The following SLCO1B3 variants were observed in gnomAD, a reference collection of about 807,000 sequenced individuals.
The protein encoded by SLCO1B3 is solute carrier organic anion transporter family member 1B3.
In SLCO1B3, 72 loss-of-function variants were observed where a neutral mutation model predicts 71.8. The observed-to-expected ratio is 1.00, with a 90% CI of 0.83 to 1.22. SLCO1B3 has a LOEUF of 1.22. Ranked by LOEUF, SLCO1B3 falls within the 50% of genes most tolerant of loss-of-function variation. The probability of loss-of-function intolerance (pLI) is 0.00; values close to 1 mark genes in which losing one functional copy is unlikely to be tolerated. For missense variants in SLCO1B3, 911 were observed against 819.7 expected (o/e 1.11, Z -1.36); for synonymous variants, 298 against 278.4 (o/e 1.07, Z -0.70).
intron 7 of SLCO1B3, 83 bp downstream of exon 7, chr12:20,862,641 T>A (rs1405911191): frequency 2.0e-6 from 3 of 1,469,246 alleles, no homozygotes; most frequent in Admixed American, 4.3e-5. Context: ...TTTTTTCTTT[T>A]ACCTATTAGA....
At chr12:20,873,913 A>G (rs1865526639) in intron 8 of SLCO1B3, among the ~76,000 whole-genome samples, 1 of 152,192 alleles carries the variant, frequency 6.6e-6, no homozygotes, top group Non-Finnish European at 1.5e-5. Flanking sequence ...AGCTTCATAC[A>G]TGTCCCTGCA....
In SLCO1B3 at chr12:20,875,427, A is replaced by G; in HGVS notation, c.920A>G (p.Gln307Arg). 2 of 1,607,442 alleles carry G rather than the reference A, an allele frequency of 1.2e-6. No homozygotes were observed. Among genetic ancestry groups the G allele is most frequent in the Non-Finnish European group, 1.7e-6 (2 of 1,178,420 alleles). Residue 307 changes from glutamine (Q) to arginine (R), a missense_variant, in exon 9 of 16, where the codon CAA (glutamine) becomes CGA (arginine). Coordinates refer to ENST00000381545, the MANE Select transcript of SLCO1B3 (RefSeq NM_019844.4). ...HVLKTNDDRN[Q>R]TANLTNQGKN... Reference sequence around the variant, plus strand: ...CTGAAAACAAATGATGATAGAAATCAAACAGCTAATTTGACCAACCAAGGA... The same window carrying G: ...CTGAAAACAAATGATGATAGAAATCGAACAGCTAATTTGACCAACCAAGGA...
In SLCO1B3 at chr12:20,855,042, C is replaced by T. The variant is rs144143469; in HGVS notation, c.99C>T (p.Ala33=). 1.1e-4 allele frequency: 185 copies of T among 1,610,268 alleles called. 2 individuals are homozygous for T. In the Middle Eastern group the frequency reaches 1.5e-3, roughly 13 times the overall value. Residue 33 remains alanine (A), a synonymous_variant, in exon 4 of 16, where the codon GCC becomes GCT. Coordinates refer to ENST00000381545, the MANE Select transcript of SLCO1B3 (RefSeq NM_019844.4). Reference sequence around the variant, plus strand: ...ATTGTTTTTAGATGTTCTTGGCAGCCCTGTCATTCAGCTATATTGCTAAAG... The same window carrying T: ...ATTGTTTTTAGATGTTCTTGGCAGCTCTGTCATTCAGCTATATTGCTAAAG... ...RCNGFKMFLA[A]LSFSYIAKAL...
chr12:20,894,111 TAGAA>T (rs1565605101), intron 13 of SLCO1B3, among the ~76,000 whole-genome samples: 1 of 152,182 alleles, frequency 6.6e-6, no homozygotes. Flanking sequence ...TGATTGTCAT[TAGAA>T]AGAACAACAG....
In SLCO1B3 at chr12:20,913,853, G is replaced by T. The variant is rs542275663; in HGVS notation, c.1866-2151G>T. On this transcript the variant is annotated intron_variant, in intron 15 of 15. Coordinates refer to ENST00000381545, the MANE Select transcript of SLCO1B3 (RefSeq NM_019844.4). ...TGTAGCCTCAACCTCCTGGGCTCAAGAGATCCTTCTGCCTCAGCCTCCCAT... is the reference window on the plus strand; with the variant it reads ...TGTAGCCTCAACCTCCTGGGCTCAATAGATCCTTCTGCCTCAGCCTCCCAT... Among the ~76,000 whole-genome samples, 20 of 152,294 alleles carry T rather than the reference G, an allele frequency of 1.3e-4. No homozygotes were observed. In the South Asian group the frequency reaches 3.9e-3, roughly 30 times the overall value.
At chr12:20,896,678 A>G (rs1400186326) in intron 13 of SLCO1B3, among the ~76,000 whole-genome samples, 3 of 151,864 alleles carry the variant, frequency 2.0e-5, no homozygotes, top group Non-Finnish European at 4.4e-5. Flanking sequence ...AACTGTTCCA[A>G]CCTCTGCCTG....
chr12:20,810,948 CT>C (rs1219795365), intron 1 of SLCO1B3, among the ~76,000 whole-genome samples, 184 bp downstream of exon 1: 1 of 152,014 alleles, frequency 6.6e-6, no homozygotes, highest in Non-Finnish European at 1.5e-5. Context: ...ATAGAAGAGC[CT>C]CAGATTTATA....
intron 3 of SLCO1B3, among the ~76,000 whole-genome samples, chr12:20,843,624 C>CA (rs1299955318): frequency 1.3e-5 from 2 of 151,720 alleles, no homozygotes; most frequent in Non-Finnish European, 2.9e-5. Context: ...ACTAAAAATA[C>CA]AAAAAAATTA....
intron 9 of SLCO1B3, among the ~76,000 whole-genome samples, chr12:20,876,997 AT>A (rs1865593160): frequency 6.6e-6 from 1 of 151,892 alleles, no homozygotes; most frequent in Non-Finnish European, 1.5e-5. Context: ...TACCCGGCTA[AT>A]TTTTTGTATT....
intron 13 of SLCO1B3, among the ~76,000 whole-genome samples, chr12:20,887,157 G>C (rs1292828740): frequency 1.3e-5 from 2 of 151,930 alleles, no homozygotes; most frequent in Non-Finnish European, 2.9e-5. Flanking sequence ...CTTTGCTTTT[G>C]TCACTAGTGC....
At position 20,880,896 on chromosome 12, in the gene SLCO1B3, A is replaced by G. The variant is rs140093214; in HGVS notation, c.1373A>G (p.Tyr458Cys). ...VASHVDVPLSYCNSECNCDES... is the reference protein window; with the variant it reads ...VASHVDVPLSCCNSECNCDES... ...TCTCATGTAGATGTACCACTTTCTT[A>G]TTGCAACTCAGAGTGCAATTGTGAT... Residue 458 changes from tyrosine to cysteine, a missense_variant, in exon 12 of 16, where the codon TAT (tyrosine) becomes TGT (cysteine). Coordinates refer to ENST00000381545, the MANE Select transcript of SLCO1B3 (RefSeq NM_019844.4). 9 of 1,610,022 alleles carry G rather than the reference A, an allele frequency of 5.6e-6. No homozygotes were observed. In the African/African-American group the frequency reaches 8.0e-5, roughly 14 times the overall value.
intron 13 of SLCO1B3, among the ~76,000 whole-genome samples, chr12:20,894,270 G>C (rs1865957535): frequency 6.6e-6 from 1 of 152,208 alleles, no homozygotes; most frequent in Non-Finnish European, 1.5e-5. Context: ...TCACACTACA[G>C]TGGTAAATAA....
At chr12:20,849,339 C>T (rs933339982) in intron 3 of SLCO1B3, among the ~76,000 whole-genome samples, 1 of 151,810 alleles carries the variant, frequency 6.6e-6, no homozygotes, top group African/African-American at 2.4e-5. Context: ...ATGCATTTGA[C>T]ACAAATCCAA....
chr12:20,883,648 C>A, intron 13 of SLCO1B3, 46 bp downstream of exon 13: 1 of 1,240,846 alleles, frequency 8.1e-7, no homozygotes, highest in Admixed American at 2.6e-5. Context: ...TAGACTAAAA[C>A]ACACCTAATG....
chr12:20,840,001 T>G (rs1470616350), intron 3 of SLCO1B3, among the ~76,000 whole-genome samples: 1 of 152,206 alleles, frequency 6.6e-6, no homozygotes, highest in Non-Finnish European at 1.5e-5. Flanking sequence ...CTAGCATTTG[T>G]TTTTGGTTCT....
intron 15 of SLCO1B3, among the ~76,000 whole-genome samples, chr12:20,909,747 G>A (rs1331141714): frequency 6.6e-6 from 1 of 152,076 alleles, no homozygotes; most frequent in South Asian, 2.1e-4. Context: ...ATCTCGCTCT[G>A]TTGCCCAAAC....
At chr12:20,886,899 T>G (rs2121324578) in intron 13 of SLCO1B3, among the ~76,000 whole-genome samples, 1 of 152,150 alleles carries the variant, frequency 6.6e-6, no homozygotes, top group South Asian at 2.1e-4. Flanking sequence ...GTCTCCAATG[T>G]CAATTATTCC....
At chr12:20,899,807 A>G (rs1317088250) in intron 14 of SLCO1B3, among the ~76,000 whole-genome samples, 1 of 152,180 alleles carries the variant, frequency 6.6e-6, no homozygotes, top group African/African-American at 2.4e-5. Context: ...AAAAAAATTG[A>G]ATTTTGCCAT....
Position 20,861,085 on chromosome 12 carries a change from T to A in SLCO1B3, c.428T>A (p.Leu143Ter), listed in dbSNP as rs1865253397. ...TCAACATCAAGTTTATCAACCTGTT[T>A]AATTAATCAAACCTTATCATTCAAT... ...ENSTSSLSTC[L>*]INQTLSFNGT... Residue 143 changes from leucine (L) to a stop codon, truncating the protein, a stop_gained, in exon 6 of 16, where the codon TTA (leucine) becomes TAA (stop). Transcript: ENST00000381545. LOFTEE classifies it high-confidence loss of function. The A allele has an allele frequency of 8.1e-6, 13 of 1,604,578 alleles. No homozygotes were observed. The highest frequency in any genetic ancestry group is 1.1e-5 in the Non-Finnish European group (13 of 1,174,414).
Sources: allele counts gnomAD v4.1 joint callset (sites outside exome capture counted in the v4.1 genomes callset), GRCh38; gene constraint gnomAD v4.1.1; transcripts MANE v1.5; gene names NCBI Gene and HGNC (gene_info 2026-07-23, HGNC 2026-07-21).